GPM6A: variants seen among roughly 807,000 people sequenced by gnomAD.
GPM6A encodes the protein neuronal membrane glycoprotein M6-a.
In GPM6A, 7 loss-of-function variants were observed where a neutral mutation model predicts 32.1. The ratio of observed to expected loss-of-function variants is 0.22; its 90% CI spans 0.12 to 0.41. The LOEUF (loss-of-function observed/expected upper bound fraction) is 0.41, where lower values mean the gene tolerates loss of function less well. Among genes scored for constraint, GPM6A ranks in the 10% least tolerant of loss-of-function variants. The pLI, the probability that GPM6A is intolerant of heterozygous loss-of-function variation, is 1.00. For missense variants in GPM6A, 235 were observed against 347.2 expected (o/e 0.68, Z 2.57); for synonymous variants, 130 against 123.4 (o/e 1.05, Z -0.35).
intron 1 of GPM6A, among the ~76,000 whole-genome samples, chr4:175,974,120 C>T (rs1305964932): frequency 3.3e-5 from 5 of 152,002 alleles, no homozygotes; most frequent in Non-Finnish European, 7.4e-5. Context: ...GTAATCCCAG[C>T]TACTTGGGAA....
intron 1 of GPM6A, among the ~76,000 whole-genome samples, chr4:175,877,048 A>T (rs1243506347): frequency 6.6e-6 from 1 of 152,158 alleles, no homozygotes; most frequent in Non-Finnish European, 1.5e-5. Context: ...TGGAAACATA[A>T]TTGGAAGAAA....
At chr4:175,961,604 A>G (rs1740164505) in intron 1 of GPM6A, among the ~76,000 whole-genome samples, 1 of 152,114 alleles carries the variant, frequency 6.6e-6, no homozygotes, top group African/African-American at 2.4e-5. Flanking sequence ...CCTTCCTAGG[A>G]GGTCCCCACA....
At chr4:175,954,167 A>G (rs1228578585) in intron 1 of GPM6A, among the ~76,000 whole-genome samples, 4 of 152,184 alleles carry the variant, frequency 2.6e-5, no homozygotes, top group Non-Finnish European at 5.9e-5. Context: ...GGCTATTTCA[A>G]TTTGAATAAA....
chr4:175,644,121 G>GTTTTTTTT (rs781755092), intron 4 of GPM6A, among the ~76,000 whole-genome samples: 20 of 110,356 alleles, frequency 1.8e-4, no homozygotes, highest in Admixed American at 3.1e-4. Flanking sequence ...TTTTCCGTTT[G>GTTTTTTTT]TTTTTTTTTT....
In GPM6A at chr4:175,843,941, G is replaced by T. The variant is rs571496621; in HGVS notation, c.-22-31692C>A. On this transcript the variant is annotated intron_variant, in intron 1 of 7. Coordinates refer to the GPM6A transcript ENST00000280187. The stretch of plus-strand genomic sequence containing the variant: ...TTTTAGCAGGCATCCTGATAAATCA[G>T]TCCGGAGAGAATCCACCCCACCTTT... Among the ~76,000 whole-genome samples, 125 of 152,212 alleles carry T rather than the reference G, an allele frequency of 8.2e-4. No individual in the cohort carries two copies. In the Middle Eastern group the frequency reaches 0.01, roughly 13 times the overall value.
chr4:175,909,123 C>T (rs1738234605), intron 1 of GPM6A, among the ~76,000 whole-genome samples: 1 of 149,378 alleles, frequency 6.7e-6, no homozygotes, highest in South Asian at 2.1e-4. Flanking sequence ...AAAAAAAATG[C>T]TGTTAATACA....
chr4:175,845,665 G>A (rs1407748646), intron 1 of GPM6A, among the ~76,000 whole-genome samples: 1 of 151,800 alleles, frequency 6.6e-6, no homozygotes, highest in Non-Finnish European at 1.5e-5. Context: ...TTCTCTTCTT[G>A]AAATTTCTGC....
chr4:175,648,441 A>C (rs1374881012), intron 4 of GPM6A, among the ~76,000 whole-genome samples: 2 of 152,188 alleles, frequency 1.3e-5, no homozygotes, highest in Non-Finnish European at 2.9e-5. Context: ...CATCATGATC[A>C]AGTAAATGTA....
At chr4:175,909,082 C>T (rs1169973894) in intron 1 of GPM6A, among the ~76,000 whole-genome samples, 1 of 141,942 alleles carries the variant, frequency 7.0e-6, no homozygotes. Context: ...TTAATCAGGT[C>T]TTACTATAAC....
Position 175,634,834 on chromosome 4 carries a change from G to T in GPM6A, c.*71C>A. 1 of 1,308,172 alleles carries T rather than the reference G, an allele frequency of 7.6e-7. No homozygotes were observed. The highest frequency in any genetic ancestry group is 1.1e-6 in the Non-Finnish European group (1 of 919,886). The allele number at this position is 1,308,172 out of a possible 1,614,324, so 81.0% of individuals were successfully genotyped here. ...AAGCACTTTCGTTTTGTTTTTTAAA[G>T]GTTGGATGGTTGGATGGCCCTTAGT... On this transcript the variant is annotated 3_prime_UTR_variant, in exon 7 of 7. Coordinates refer to ENST00000393658, the MANE Select transcript of GPM6A (RefSeq NM_201591.3).
intron 1 of GPM6A, among the ~76,000 whole-genome samples, chr4:175,923,440 C>T (rs994880497): frequency 6.6e-6 from 1 of 150,652 alleles, no homozygotes; most frequent in African/African-American, 2.4e-5. Context: ...GCCTCATCAG[C>T]AGATGAAGTG....
intron 1 of GPM6A, among the ~76,000 whole-genome samples, chr4:175,848,950 T>C (rs1160379282): frequency 6.6e-6 from 1 of 152,198 alleles, no homozygotes; most frequent in East Asian, 1.9e-4. Flanking sequence ...TGATAAATTT[T>C]AATTTTAGAT....
Position 175,909,119 on chromosome 4 carries a change from A to C in GPM6A, c.-23+93190T>G, listed in dbSNP as rs562978362. Among the ~76,000 whole-genome samples, 3 of 151,860 alleles carry C rather than the reference A, an allele frequency of 2.0e-5. No individual in the cohort carries two copies. The East Asian group carries it at 5.8e-4, about 29-fold the overall frequency. ...CAGAAATAGTAACTGAAAGAAAAAA[A>C]ATGCTGTTAATACAAGTTCTTTTAT... On this transcript the variant is annotated intron_variant, in intron 1 of 7. Transcript: ENST00000280187.
At chr4:175,825,974 G>A (rs1185810201) in intron 1 of GPM6A, among the ~76,000 whole-genome samples, 1 of 152,076 alleles carries the variant, frequency 6.6e-6, no homozygotes, top group African/African-American at 2.4e-5. Context: ...GAGCCCAGGA[G>A]TTCAAGACCA....
chr4:175,892,163 T>G (rs2111477762), intron 1 of GPM6A, among the ~76,000 whole-genome samples: 1 of 152,334 alleles, frequency 6.6e-6, no homozygotes, highest in Non-Finnish European at 1.5e-5. Context: ...AATGGCATCT[T>G]GCTCATATGA....
At chr4:175,736,568 C>A (rs546521931) in intron 1 of GPM6A, among the ~76,000 whole-genome samples, 1 of 152,016 alleles carries the variant, frequency 6.6e-6, no homozygotes. Flanking sequence ...ATTGGCTTTA[C>A]GTTGCTGAAA....
chr4:175,705,668 C>T (rs542815917), intron 1 of GPM6A, among the ~76,000 whole-genome samples: 2 of 152,052 alleles, frequency 1.3e-5, no homozygotes, highest in Admixed American at 1.3e-4. Context: ...CCCTGGGCCC[C>T]GGATAGGTTC....
intron 2 of GPM6A, among the ~76,000 whole-genome samples, chr4:175,674,895 G>A (rs1044165308): frequency 2.0e-5 from 3 of 149,478 alleles, no homozygotes; most frequent in African/African-American, 7.4e-5. Context: ...ACCCAGTTTT[G>A]CTTTTTTTTT....
chr4:175,758,642 T>G (rs1413679160), intron 1 of GPM6A, among the ~76,000 whole-genome samples: 1 of 152,098 alleles, frequency 6.6e-6, no homozygotes, highest in African/African-American at 2.4e-5. Flanking sequence ...TTGAGAAAAT[T>G]TATTTAGATT....
Sources: gnomAD v4.1 joint callset for allele counts (sites outside exome capture counted in the v4.1 genomes callset) on GRCh38, gnomAD v4.1.1 for gene constraint, MANE v1.5 for transcripts, NCBI Gene and HGNC (gene_info 2026-07-23, HGNC 2026-07-21) for gene names.